ELP4: variants seen among roughly 807,000 people sequenced by gnomAD.
ELP4 encodes elongator acetyltransferase complex subunit 4.
Under a neutral mutation model 48.9 loss-of-function variants are expected in ELP4, and 51 were observed. That is an observed-to-expected ratio of 1.04 (90% CI 0.83 to 1.32). ELP4 has a LOEUF of 1.32. Among genes scored for constraint, ELP4 ranks in the 40% most tolerant of loss-of-function variants. ELP4 has a pLI of 0.00. For synonymous variants in ELP4, 210 were observed against 189.2 expected (o/e 1.11, Z -0.90); for missense variants, 519 against 514.6 (o/e 1.01, Z -0.08).
At chr11:31,594,384 G>T (rs1405427247) in intron 3 of ELP4, among the ~76,000 whole-genome samples, 1 of 152,014 alleles carries the variant, frequency 6.6e-6, no homozygotes, top group Non-Finnish European at 1.5e-5. Flanking sequence ...AGCAGATTGT[G>T]CAAATGTTTT....
intron 3 of ELP4, among the ~76,000 whole-genome samples, chr11:31,543,039 C>T (rs1052487593): frequency 2.6e-5 from 4 of 151,764 alleles, no homozygotes; most frequent in South Asian, 4.2e-4. Flanking sequence ...GGATTAGACA[C>T]TGAAAAAGAA....
intron 1 of ELP4, 104 bp from the exon 2 acceptor site, chr11:31,519,952 G>T: frequency 9.6e-7 from 1 of 1,043,388 alleles, no homozygotes; most frequent in Non-Finnish European, 1.4e-6. Flanking sequence ...CACAACTACT[G>T]TTTTAAAGTT....
At chr11:31,601,568 T>A (rs950492629) in intron 4 of ELP4, among the ~76,000 whole-genome samples, 7 of 152,278 alleles carry the variant, frequency 4.6e-5, no homozygotes, top group Non-Finnish European at 8.8e-5. Context: ...GAGATTTCTA[T>A]CACATTAATA....
At chr11:31,745,385 A>G (rs2134228618) in intron 9 of ELP4, among the ~76,000 whole-genome samples, 1 of 152,270 alleles carries the variant, frequency 6.6e-6, no homozygotes, top group Non-Finnish European at 1.5e-5. Context: ...AATTGGAAAA[A>G]ACTACTTTAC....
At chr11:31,656,890 A>G (rs1175902934) in intron 9 of ELP4, among the ~76,000 whole-genome samples, 1 of 152,084 alleles carries the variant, frequency 6.6e-6, no homozygotes, top group Non-Finnish European at 1.5e-5. Context: ...AAGACTTTGT[A>G]GAACTGCTGT....
intron 3 of ELP4, among the ~76,000 whole-genome samples, chr11:31,586,378 T>TG (rs1477108262): frequency 6.6e-6 from 1 of 152,090 alleles, no homozygotes; most frequent in Non-Finnish European, 1.5e-5. Context: ...TTACAGGTGT[T>TG]GGGGAAGGAA....
intron 9 of ELP4, among the ~76,000 whole-genome samples, chr11:31,674,938 A>G (rs1240915032): frequency 6.6e-6 from 1 of 152,198 alleles, no homozygotes; most frequent in African/African-American, 2.4e-5. Context: ...TCTAGTACCT[A>G]GTTAAAAAAA....
At position 31,786,598 on chromosome 11, in the gene ELP4, A is replaced by G. The variant is rs917564327; in HGVS notation, c.*3074A>G. 11 of 225,652 alleles carry G rather than the reference A, an allele frequency of 4.9e-5. No homozygotes were observed. Among genetic ancestry groups the G allele is most frequent in the African/African-American group, 2.2e-4 (10 of 44,992 alleles). The allele number at this position is 225,652 out of a possible 1,614,324, so 14.0% of individuals were successfully genotyped here. On this transcript the variant is annotated 3_prime_UTR_variant, in exon 10 of 10. Transcript: ENST00000640961. ...AGTAAAAAGAAATAAGCAAAAGAAT[A>G]TAGACACAATCCTAAGATGACATTC...
chr11:31,599,379 G>A (rs1957737340), intron 4 of ELP4: 1 of 151,870 alleles, frequency 6.6e-6, no homozygotes. Flanking sequence ...GCCTGTTAAG[G>A]TAATTTTATA....
At chr11:31,653,807 A>G (rs1945373911) in intron 9 of ELP4, 1 of 151,764 alleles carries the variant, frequency 6.6e-6, no homozygotes, top group African/African-American at 2.4e-5. Context: ...CGTCACTTCC[A>G]AGCTAAAATA....
At chr11:31,551,743 T>C (rs1320900934) in intron 3 of ELP4, among the ~76,000 whole-genome samples, 1 of 152,182 alleles carries the variant, frequency 6.6e-6, no homozygotes, top group East Asian at 1.9e-4. Context: ...AAATGGAATT[T>C]CAGTTAGTAA....
intron 3 of ELP4, among the ~76,000 whole-genome samples, chr11:31,562,091 A>T (rs1957033432): frequency 6.6e-6 from 1 of 152,162 alleles, no homozygotes; most frequent in South Asian, 2.1e-4. Flanking sequence ...CTCGATAAGA[A>T]ATTTAAATCT....
At chr11:31,530,533 A>G (rs1956377918) in intron 2 of ELP4, among the ~76,000 whole-genome samples, 1 of 152,166 alleles carries the variant, frequency 6.6e-6, no homozygotes, top group Admixed American at 6.5e-5. Flanking sequence ...TATCCAACAA[A>G]TTAGACAATT....
intron 9 of ELP4, among the ~76,000 whole-genome samples, chr11:31,736,863 T>C (rs1245412227): frequency 1.3e-5 from 2 of 152,236 alleles, no homozygotes; most frequent in African/African-American, 2.4e-5. Flanking sequence ...TTTTACACTG[T>C]TGGTGGGACT....
chr11:31,600,690 T>C (rs898680494), intron 4 of ELP4: 1 of 152,174 alleles, frequency 6.6e-6, no homozygotes, highest in African/African-American at 2.4e-5. Context: ...GTAAAATAAT[T>C]ATTAGCTCCA....
intron 3 of ELP4, among the ~76,000 whole-genome samples, chr11:31,578,700 G>A (rs939982050): frequency 6.6e-6 from 1 of 152,106 alleles, no homozygotes; most frequent in Non-Finnish European, 1.5e-5. Context: ...AGGATTCTCT[G>A]TTTAATAAAT....
chr11:31,543,509 CG>C (rs1956629872), intron 3 of ELP4, among the ~76,000 whole-genome samples: 1 of 151,946 alleles, frequency 6.6e-6, no homozygotes, highest in African/African-American at 2.4e-5. Flanking sequence ...TTAGTAGAGA[CG>C]GGGTTTCACC....
rs554042322 is a variant in ELP4, at chr11:31,542,847, A to T, written c.381+3064A>T. Among the ~76,000 whole-genome samples, 12 of 152,340 alleles carry T rather than the reference A, an allele frequency of 7.9e-5. No homozygotes were observed. The East Asian group carries it at 2.3e-3, about 29-fold the overall frequency. ...AATCAATTAAAACAAAAAAGAAATG[A>T]CATGATAGAATTAGATGAAAACATA... is the stretch of plus-strand genomic sequence containing the variant. On this transcript the variant is annotated intron_variant, in intron 3 of 9. Coordinates refer to ENST00000640961, the MANE Select transcript of ELP4 (RefSeq NM_019040.5).
intron 9 of ELP4, among the ~76,000 whole-genome samples, chr11:31,680,519 G>A (rs1013358982): frequency 7.2e-5 from 11 of 152,100 alleles, no homozygotes; most frequent in African/African-American, 2.7e-4. Flanking sequence ...GGTTGTGGAG[G>A]GGTACAAGCA....
Sources: gnomAD v4.1 joint callset for allele counts (sites outside exome capture counted in the v4.1 genomes callset) on GRCh38, gnomAD v4.1.1 for gene constraint, MANE v1.5 for transcripts, NCBI Gene and HGNC (gene_info 2026-07-23, HGNC 2026-07-21) for gene names.